Variants in STX11 observed in about 807,000 individuals in gnomAD.
The protein encoded by STX11 is syntaxin-11.
STX11 carries 21 observed loss-of-function variants against 19.9 expected under a neutral mutation model. The ratio of observed to expected loss-of-function variants is 1.06; its 90% CI spans 0.75 to 1.52. STX11 has a LOEUF of 1.52. Ranked by LOEUF, STX11 falls within the 40% of genes most tolerant of loss-of-function variation. The probability of loss-of-function intolerance (pLI) is 0.00; values close to 1 mark genes in which losing one functional copy is unlikely to be tolerated. For missense variants in STX11, 438 were observed against 405.9 expected, an observed-to-expected ratio of 1.08 and a Z score of -0.68; for synonymous variants, 193 against 174.4, an observed-to-expected ratio of 1.11 and a Z score of -0.84.
Position 144,169,469 on chromosome 6 carries a change from C to T in STX11, c.-5-17154C>T, listed in dbSNP as rs886425323. Reference sequence around the variant, plus strand: ...CAGCCTTTTGATTATTTACAGTTTCCTTCAATTTTCAGTTCACTGTGATAG... The same window carrying T: ...CAGCCTTTTGATTATTTACAGTTTCTTTCAATTTTCAGTTCACTGTGATAG... On this transcript the variant is annotated intron_variant, in intron 1 of 1. Coordinates refer to ENST00000367568, the MANE Select transcript of STX11 (RefSeq NM_003764.4). The surrounding 1 kb of genome is among the most constrained non-coding windows in gnomAD (Gnocchi z 5.2). Among the ~76,000 whole-genome samples, 1 of 152,010 alleles carries T rather than the reference C, an allele frequency of 6.6e-6. No individual in the cohort carries two copies. The highest frequency in any genetic ancestry group is 1.5e-5 in the Non-Finnish European group (1 of 67,994).
rs1376017241 is a variant in STX11 at position 144,152,675 on chromosome 6, C to G, written c.-6+1972C>G. On this transcript the variant is annotated intron_variant, in intron 1 of 1. Coordinates refer to ENST00000367568, the MANE Select transcript of STX11 (RefSeq NM_003764.4). This position sits in a 1 kb window ranked among gnomAD's most constrained non-coding sequence, Gnocchi z 4.9. ...TGAGACAGAGTCTCACTCTGTTGCC[C>G]CAGGCTGGAGTGTGGTGGTGCAATC... Among the ~76,000 whole-genome samples, 4 of 152,126 alleles carry G rather than the reference C, an allele frequency of 2.6e-5. No individual in the cohort carries two copies. Among genetic ancestry groups the G allele is most frequent in the Admixed American group, 2.6e-4 (4 of 15,282 alleles).
intron 1 of STX11, among the ~76,000 whole-genome samples, chr6:144,163,229 A>G (rs1267625749): frequency 6.6e-6 from 1 of 152,192 alleles, no homozygotes; most frequent in African/African-American, 2.4e-5. Context: ...AAAATATCTC[A>G]TCAGTCTTAC....
At chr6:144,163,092 A>C (rs921174698) in intron 1 of STX11, among the ~76,000 whole-genome samples, 2 of 152,210 alleles carry the variant, frequency 1.3e-5, no homozygotes, top group African/African-American at 4.8e-5. Flanking sequence ...AATACATAGA[A>C]AACTGAAGAT....
At chr6:144,181,330 C>T (rs895639041) in intron 1 of STX11, among the ~76,000 whole-genome samples, 1 of 152,056 alleles carries the variant, frequency 6.6e-6, no homozygotes, top group Non-Finnish European at 1.5e-5. Flanking sequence ...TGCAGTGGCT[C>T]ATGCCTGTAA....
In STX11 at chr6:144,174,040, A is replaced by G. The variant is rs1039409392; in HGVS notation, c.-5-12583A>G. ...TCACTATCCTGTTGATTGGCTGAGCAGTCTTCTGTTGGGCTCTCCGCGGCT... is the reference window on the plus strand; with the variant it reads ...TCACTATCCTGTTGATTGGCTGAGCGGTCTTCTGTTGGGCTCTCCGCGGCT... On this transcript the variant is annotated intron_variant, in intron 1 of 1. Transcript: ENST00000367568. The surrounding 1 kb of genome is among the most constrained non-coding windows in gnomAD (Gnocchi z 5.3). 6.6e-6 allele frequency among the ~76,000 whole-genome samples: 1 copy of G among 152,208 alleles called. No homozygotes were observed. Among genetic ancestry groups the G allele is most frequent in the African/African-American group, 2.4e-5 (1 of 41,448 alleles).
Position 144,151,147 on chromosome 6 carries a change from G to T in STX11, c.-6+444G>T. 1.3e-6 allele frequency: 1 copy of T among 749,066 alleles called. No individual in the cohort carries two copies. Among genetic ancestry groups the T allele is most frequent in the Non-Finnish European group, 1.6e-6 (1 of 614,334 alleles). 46.4% of individuals were successfully genotyped at this position (749,066 alleles called of 1,614,324 possible). A position where few individuals can be genotyped will look rare whatever the true frequency, so the allele number is the denominator to read the frequency against. Reference sequence around the variant, plus strand: ...AATGGGTACTTCTTGACTTGAACTTGGCGGTGTCACTCAGTAGCCAGGAAA... The same window carrying T: ...AATGGGTACTTCTTGACTTGAACTTTGCGGTGTCACTCAGTAGCCAGGAAA... On this transcript the variant is annotated intron_variant, in intron 1 of 1. Transcript: ENST00000367568. This position sits in a 1 kb window ranked among gnomAD's most constrained non-coding sequence, Gnocchi z 4.6.
At chr6:144,147,959 T>A (rs1800906912), upstream of STX11, among the ~76,000 whole-genome samples, 1 of 152,148 alleles carries the variant, frequency 6.6e-6, no homozygotes, top group Non-Finnish European at 1.5e-5. The surrounding 1 kb of genome is among the most constrained non-coding windows in gnomAD (Gnocchi z 4.2). Context: ...CCCAGGATAA[T>A]GTTTTACCAA....
rs569723869 is a variant in STX11, at chr6:144,175,218, G to A, written c.-5-11405G>A. On this transcript the variant is annotated intron_variant, in intron 1 of 1. Coordinates refer to ENST00000367568, the MANE Select transcript of STX11 (RefSeq NM_003764.4). This position sits in a 1 kb window ranked among gnomAD's most constrained non-coding sequence, Gnocchi z 5.1. ...TGATTGTGCCACTGTACTCCAGCCTGGGCAACAGAGCGAGACCCTGTGTCA... is the reference window on the plus strand; with the variant it reads ...TGATTGTGCCACTGTACTCCAGCCTAGGCAACAGAGCGAGACCCTGTGTCA... Among the ~76,000 whole-genome samples, 23 of 152,238 alleles carry A rather than the reference G, an allele frequency of 1.5e-4. No homozygotes were observed. Among genetic ancestry groups the A allele is most frequent in the African/African-American group, 5.5e-4 (23 of 41,518 alleles).
chr6:144,140,633 T>C, the STX11 span: 1 of 471,358 alleles, frequency 2.1e-6, no homozygotes, highest in Non-Finnish European at 2.8e-6. Flanking sequence ...TCATGGAAGG[T>C]TGCTAGCAGG....
At chr6:144,178,890 A>G (rs1345086877) in intron 1 of STX11, among the ~76,000 whole-genome samples, 4 of 151,922 alleles carry the variant, frequency 2.6e-5, no homozygotes, top group Non-Finnish European at 4.4e-5. Context: ...AGAGCTATTC[A>G]TTAGGAACTT....
rs1330345661 is a variant in STX11 at position 144,160,764 on chromosome 6, AC to A, written c.-6+10063del. Among the ~76,000 whole-genome samples, 1 of 152,302 alleles carries A rather than the reference AC, an allele frequency of 6.6e-6. No individual in the cohort carries two copies. Among genetic ancestry groups the A allele is most frequent in the South Asian group, 2.1e-4 (1 of 4,828 alleles). Reference sequence around the variant, plus strand: ...CATATCCACACCATTCAGCATCTTGACCACAAAGACACCAAAAAAACTGGAA... The same window carrying A: ...CATATCCACACCATTCAGCATCTTGACACAAAGACACCAAAAAAACTGGAA... On this transcript the variant is annotated intron_variant, in intron 1 of 1. Transcript: ENST00000367568. The surrounding 1 kb of genome is among the most constrained non-coding windows in gnomAD (Gnocchi z 4.3).
Position 144,183,731 on chromosome 6 carries a change from T to G in STX11, c.-5-2892T>G, listed in dbSNP as rs932386289. ...TACTGATTTTATTATTTTATCTTAT[T>G]TTATGTTTTTAAGTTCCGGGGTACA... is the stretch of plus-strand genomic sequence containing the variant. On this transcript the variant is annotated intron_variant, in intron 1 of 1. Coordinates refer to ENST00000367568, the MANE Select transcript of STX11 (RefSeq NM_003764.4). The surrounding 1 kb of genome is among the most constrained non-coding windows in gnomAD (Gnocchi z 4.6). Among the ~76,000 whole-genome samples, 3 of 152,164 alleles carry G rather than the reference T, an allele frequency of 2.0e-5. No individual in the cohort carries two copies. The highest frequency in any genetic ancestry group is 4.4e-5 in the Non-Finnish European group (3 of 68,038).
rs2128757939 is a variant in STX11 at position 144,188,307 on chromosome 6, A to C, written c.*816A>C. 4.3e-6 allele frequency: 1 copy of C among 230,482 alleles called. No homozygotes were observed. The highest frequency in any genetic ancestry group is 9.3e-6 in the Non-Finnish European group (1 of 107,416). 14.3% of individuals were successfully genotyped at this position (230,482 alleles called of 1,614,324 possible). ...TACTAATATTCACTAATATATGTAC[A>C]TAATGATCAATTGGTTTAACTTCTT... On this transcript the variant is annotated 3_prime_UTR_variant, in exon 2 of 2. Coordinates refer to ENST00000367568, the MANE Select transcript of STX11 (RefSeq NM_003764.4).
In STX11 at chr6:144,160,021, T is replaced by C. The variant is rs1801293287; in HGVS notation, c.-6+9318T>C. On this transcript the variant is annotated intron_variant, in intron 1 of 1. Coordinates refer to ENST00000367568, the MANE Select transcript of STX11 (RefSeq NM_003764.4). This position sits in a 1 kb window ranked among gnomAD's most constrained non-coding sequence, Gnocchi z 4.3. ...GTTCTTGTTTTTTAAAAAAATATTA[T>C]GATTTTTGAGAGACTCTGTCGCCCA... Among the ~76,000 whole-genome samples, 1 of 152,160 alleles carries C rather than the reference T, an allele frequency of 6.6e-6. No homozygotes were observed.
rs1480744222 is a variant in STX11 at position 144,152,708 on chromosome 6, A to G, written c.-6+2005A>G. 6.6e-6 allele frequency among the ~76,000 whole-genome samples: 1 copy of G among 152,178 alleles called. No individual in the cohort carries two copies. The highest frequency in any genetic ancestry group is 1.5e-5 in the Non-Finnish European group (1 of 68,036). The stretch of plus-strand genomic sequence containing the variant: ...GAGTGTGGTGGTGCAATCTTGGCTC[A>G]CTGCAACCTCCACCTCCTGCGTTTA... On this transcript the variant is annotated intron_variant, in intron 1 of 1. Transcript: ENST00000367568. The surrounding 1 kb of genome is among the most constrained non-coding windows in gnomAD (Gnocchi z 4.9).
In STX11 at chr6:144,155,614, C is replaced by T. The variant is rs1313765460; in HGVS notation, c.-6+4911C>T. On this transcript the variant is annotated intron_variant, in intron 1 of 1. Coordinates refer to ENST00000367568, the MANE Select transcript of STX11 (RefSeq NM_003764.4). The surrounding 1 kb of genome is among the most constrained non-coding windows in gnomAD (Gnocchi z 4.5). ...AAGGGTTTTGGCTAATATTTCATAT[C>T]GGTTTGTCTTGGCTGTTCAATTCAA... Among the ~76,000 whole-genome samples, 2 of 152,156 alleles carry T rather than the reference C, an allele frequency of 1.3e-5. No homozygotes were observed. Among genetic ancestry groups the T allele is most frequent in the African/African-American group, 2.4e-5 (1 of 41,420 alleles).
At chr6:144,145,190 A>G in the STX11 span, among the ~76,000 whole-genome samples, 3 of 152,224 alleles carry the variant, frequency 2.0e-5, no homozygotes, top group Admixed American at 2.0e-4. Flanking sequence ...TCTGGTATAT[A>G]CATACAATGA....
At chr6:144,181,082 G>A (rs908809629) in intron 1 of STX11, among the ~76,000 whole-genome samples, 1 of 152,170 alleles carries the variant, frequency 6.6e-6, no homozygotes, top group Admixed American at 6.5e-5. Flanking sequence ...GAGCTTCAGA[G>A]ATTGTTTTTA....
At position 144,182,960 on chromosome 6, in the gene STX11, C is replaced by A. The variant is rs1253194613; in HGVS notation, c.-5-3663C>A. Among the ~76,000 whole-genome samples the A allele has an allele frequency of 2.0e-5, 3 of 152,218 alleles. No homozygotes were observed. Among genetic ancestry groups the A allele is most frequent in the Non-Finnish European group, 2.9e-5 (2 of 68,046 alleles). ...TGGGTACAGCTCAACTCTACGCAAA[C>A]TAGCTAATGTGCTTTCCCCAGGTAG... On this transcript the variant is annotated intron_variant, in intron 1 of 1. Coordinates refer to ENST00000367568, the MANE Select transcript of STX11 (RefSeq NM_003764.4). The surrounding 1 kb of genome is among the most constrained non-coding windows in gnomAD (Gnocchi z 4.8).
Sources: allele counts gnomAD v4.1 joint callset (sites outside exome capture counted in the v4.1 genomes callset), GRCh38; gene constraint gnomAD v4.1.1; non-coding constraint Gnocchi (gnomAD v3.1); transcripts MANE v1.5; gene names NCBI Gene and HGNC (gene_info 2026-07-23, HGNC 2026-07-21).